The following PTPRK variants were observed in gnomAD, a reference collection of about 807,000 sequenced individuals.
PTPRK encodes the protein protein tyrosine phosphatase receptor type K.
Under a neutral mutation model 178.0 loss-of-function variants are expected in PTPRK, and 75 were observed. That is an observed-to-expected ratio of 0.42 (90% CI 0.35 to 0.51). PTPRK has a LOEUF of 0.51. PTPRK is among the 20% of genes least tolerant of loss of function. The pLI, the probability that PTPRK is intolerant of heterozygous loss-of-function variation, is 0.02. For synonymous variants in PTPRK, 637 were observed against 620.6 expected (o/e 1.03, Z -0.39); for missense variants, 1,441 against 1,797.8 (o/e 0.80, Z 3.59).
intron 15 of PTPRK, chr6:128,000,450 T>C (rs1032662564): frequency 1.8e-6 from 1 of 563,018 alleles, no homozygotes; most frequent in Non-Finnish European, 2.5e-6. Context: ...GTAGCATTCA[T>C]TCCTAAAAAT....
At chr6:128,235,065 A>G (rs978940406) in intron 5 of PTPRK, among the ~76,000 whole-genome samples, 5 of 152,174 alleles carry the variant, frequency 3.3e-5, no homozygotes, top group African/African-American at 7.2e-5. Flanking sequence ...GGATACATCA[A>G]TTACCCTAAT....
At chr6:128,305,746 A>T (rs1826276497) in intron 3 of PTPRK, among the ~76,000 whole-genome samples, 1 of 152,214 alleles carries the variant, frequency 6.6e-6, no homozygotes, top group African/African-American at 2.4e-5. Context: ...AACTACACAA[A>T]TGAATTGTTA....
chr6:128,086,040 A>G (rs1361300946), intron 8 of PTPRK, among the ~76,000 whole-genome samples: 3 of 152,226 alleles, frequency 2.0e-5, no homozygotes, highest in Non-Finnish European at 2.9e-5. Flanking sequence ...TAAAACCATT[A>G]TCATGGCAGT....
At chr6:128,216,807 A>G (rs1809391021) in intron 6 of PTPRK, among the ~76,000 whole-genome samples, 1 of 151,462 alleles carries the variant, frequency 6.6e-6, no homozygotes, top group African/African-American at 2.5e-5. Context: ...AGAAGAAACT[A>G]TACATATAAA....
intron 3 of PTPRK, among the ~76,000 whole-genome samples, chr6:128,305,312 A>C (rs572092437): frequency 6.6e-6 from 1 of 152,316 alleles, no homozygotes; most frequent in African/African-American, 2.4e-5. Context: ...ATACTGGATT[A>C]TCCTTCTACA....
chr6:128,214,143 T>C (rs907806430), intron 6 of PTPRK, among the ~76,000 whole-genome samples: 2 of 152,184 alleles, frequency 1.3e-5, no homozygotes, highest in African/African-American at 2.4e-5. Context: ...CAGGCTCTGA[T>C]AGGACATAAA....
intron 9 of PTPRK, 82 bp from the exon 10 acceptor site, chr6:128,082,720 T>C (rs1023133804): frequency 9.7e-7 from 1 of 1,032,732 alleles, no homozygotes; most frequent in Non-Finnish European, 1.4e-6. Context: ...TAAGGTAGTA[T>C]GCAAGGGCAT....
At chr6:128,045,405 C>T (rs1210842262) in intron 13 of PTPRK, among the ~76,000 whole-genome samples, 2 of 151,810 alleles carry the variant, frequency 1.3e-5, no homozygotes, top group Admixed American at 1.3e-4. Context: ...ATTTTTCTCA[C>T]AAAAAGGTGA....
intron 20 of PTPRK, 28 bp downstream of exon 20, chr6:127,991,266 A>T: frequency 6.6e-7 from 1 of 1,523,354 alleles, no homozygotes; most frequent in Non-Finnish European, 9.0e-7. Flanking sequence ...CATTTTTATG[A>T]CAAAAAAATT....
chr6:128,496,546 C>T (rs1854686311), intron 1 of PTPRK, among the ~76,000 whole-genome samples: 1 of 152,076 alleles, frequency 6.6e-6, no homozygotes, highest in African/African-American at 2.4e-5. Flanking sequence ...AACTTTAAGA[C>T]CTTGAGATGT....
chr6:128,186,673 C>T (rs1802816754), intron 6 of PTPRK, among the ~76,000 whole-genome samples: 1 of 152,000 alleles, frequency 6.6e-6, no homozygotes, highest in East Asian at 1.9e-4. Context: ...TTTCACTTAT[C>T]AACTATGAAA....
intron 3 of PTPRK, among the ~76,000 whole-genome samples, chr6:128,264,895 C>T (rs1818719958): frequency 6.6e-6 from 1 of 152,092 alleles, no homozygotes. Context: ...ATGGGAATTT[C>T]CCTGCACAAG....
At chr6:128,436,432 G>A (rs769223708) in intron 1 of PTPRK, among the ~76,000 whole-genome samples, 3 of 152,082 alleles carry the variant, frequency 2.0e-5, no homozygotes, top group Admixed American at 6.6e-5. Context: ...TGACATTGTC[G>A]CTTACTTTAG....
At chr6:128,434,042 C>CACCATT (rs1414424941) in intron 1 of PTPRK, among the ~76,000 whole-genome samples, 2 of 151,558 alleles carry the variant, frequency 1.3e-5, no homozygotes, top group Admixed American at 1.3e-4. Flanking sequence ...ATCCTAAAAT[C>CACCATT]ACCATTAGGC....
chr6:128,251,138 G>A (rs904001376), intron 3 of PTPRK, among the ~76,000 whole-genome samples: 2 of 152,034 alleles, frequency 1.3e-5, no homozygotes, highest in African/African-American at 2.4e-5. Context: ...TTGTTTACTT[G>A]TTTACTTAGT....
intron 3 of PTPRK, 61 bp from the exon 4 acceptor site, chr6:128,242,663 G>A (rs1814684271): frequency 3.8e-6 from 6 of 1,582,832 alleles, no homozygotes; most frequent in African/African-American, 1.4e-5. Context: ...CTACAGTGGA[G>A]GGGAATAGCT....
intron 7 of PTPRK, among the ~76,000 whole-genome samples, chr6:128,143,085 C>G (rs566590480): frequency 2.6e-5 from 4 of 152,224 alleles, no homozygotes; most frequent in South Asian, 2.1e-4. Flanking sequence ...TAACACTTCT[C>G]CCCTTTCTCT....
At position 128,396,382 on chromosome 6, in the gene PTPRK, A is replaced by G. The variant is rs1180022237; in HGVS notation, c.223+1184T>C. On this transcript the variant is annotated intron_variant, in intron 2 of 29. Transcript: ENST00000368226. ...TATATATAATATATAATTATGTACT[A>G]TTTTTGTTTCTTTCTAAATATTGGA... 1.5e-4 allele frequency among the ~76,000 whole-genome samples: 23 copies of G among 149,192 alleles called. No homozygotes were observed. In the Admixed American group the frequency reaches 1.5e-3, roughly 10 times the overall value.
intron 15 of PTPRK, among the ~76,000 whole-genome samples, chr6:128,000,567 C>G (rs1488605716): frequency 6.6e-6 from 1 of 151,994 alleles, no homozygotes; most frequent in East Asian, 1.9e-4. Context: ...AAAACATTGG[C>G]TAACAAACAT....
Sources: allele counts gnomAD v4.1 joint callset (sites outside exome capture counted in the v4.1 genomes callset), GRCh38; gene constraint gnomAD v4.1.1; transcripts MANE v1.5; gene names NCBI Gene and HGNC (gene_info 2026-07-23, HGNC 2026-07-21).